STK32B: variants seen among roughly 807,000 people sequenced by gnomAD.
STK32B encodes the protein serine/threonine kinase 32B, also known as serine/threonine-protein kinase 32B.
Under a neutral mutation model 52.6 loss-of-function variants are expected in STK32B, and 43 were observed. The ratio of observed to expected loss-of-function variants is 0.82; its 90% CI spans 0.64 to 1.05. STK32B has a LOEUF of 1.05. Ranked by LOEUF, STK32B falls within the 50% of genes least tolerant of loss-of-function variation. The probability of loss-of-function intolerance (pLI) is 0.00; values close to 1 mark genes in which losing one functional copy is unlikely to be tolerated. For missense variants in STK32B, 621 were observed against 534.6 expected, an observed-to-expected ratio of 1.16 and a Z score of -1.59; for synonymous variants, 238 against 204.3, an observed-to-expected ratio of 1.17 and a Z score of -1.41.
At chr4:5,402,301 G>A (rs567131260) in intron 5 of STK32B, among the ~76,000 whole-genome samples, 1 of 152,334 alleles carries the variant, frequency 6.6e-6, no homozygotes, top group South Asian at 2.1e-4. Flanking sequence ...AGTGGAAATG[G>A]AATGGATGGA....
intron 4 of STK32B, among the ~76,000 whole-genome samples, chr4:5,381,606 T>A (rs1340725873): frequency 6.6e-6 from 1 of 152,244 alleles, no homozygotes; most frequent in Non-Finnish European, 1.5e-5. Context: ...TATATGGGAC[T>A]CTGTTTACTT....
At chr4:5,457,938 GGGAAGGAAGGAA>G (rs3078908) in intron 8 of STK32B, among the ~76,000 whole-genome samples, 1 of 138,054 alleles carries the variant, frequency 7.2e-6, no homozygotes, top group African/African-American at 2.5e-5. Context: ...GAGGGAGGGA[GGGAAGGAAGGAA>G]GGAAGGAAGG....
At chr4:5,379,605 G>T (rs1231498663) in intron 4 of STK32B, among the ~76,000 whole-genome samples, 2 of 152,266 alleles carry the variant, frequency 1.3e-5, no homozygotes, top group South Asian at 2.1e-4. Flanking sequence ...AGGTTATTAA[G>T]TTAAAGTGAG....
the STK32B span, among the ~76,000 whole-genome samples, chr4:5,034,224 C>T: frequency 1.1e-4 from 17 of 152,190 alleles, no homozygotes; most frequent in East Asian, 1.2e-3. Flanking sequence ...GCAGCCACTG[C>T]GTCTCTTGCA....
At chr4:5,427,587 T>A (rs1713209801) in intron 6 of STK32B, among the ~76,000 whole-genome samples, 1 of 151,840 alleles carries the variant, frequency 6.6e-6, no homozygotes, top group South Asian at 2.1e-4. Context: ...ATTCTGTTTA[T>A]CTATTTCTTC....
intron 3 of STK32B, among the ~76,000 whole-genome samples, chr4:5,308,849 G>A (rs1730100836): frequency 6.6e-6 from 1 of 152,076 alleles, no homozygotes; most frequent in East Asian, 1.9e-4. Context: ...AGACAAGGAT[G>A]CCCACTTTCA....
rs116765911 is a variant in STK32B, at chr4:5,121,119, C to G, written c.53-18786C>G. On this transcript the variant is annotated intron_variant, in intron 1 of 11. Coordinates refer to ENST00000282908, the MANE Select transcript of STK32B (RefSeq NM_018401.3). ...AACCTCCTCAAAGTCCATTATATCACTCTTAGGACTTTGCATCCTCAGAGC... is the reference window on the plus strand; with the variant it reads ...AACCTCCTCAAAGTCCATTATATCAGTCTTAGGACTTTGCATCCTCAGAGC... 6.6e-3 allele frequency among the ~76,000 whole-genome samples: 1,008 copies of G among 152,250 alleles called. 12 individuals are homozygous for G. The highest frequency in any genetic ancestry group is 0.023 in the African/African-American group (943 of 41,528).
chr4:5,231,713 A>G (rs1049397826), intron 3 of STK32B, among the ~76,000 whole-genome samples: 61 of 152,162 alleles, frequency 4.0e-4, no homozygotes, highest in African/African-American at 1.4e-3. Context: ...GGAAAAGAAA[A>G]AAACTGATGA....
At chr4:5,220,325 A>G (rs1231657267) in intron 3 of STK32B, among the ~76,000 whole-genome samples, 1 of 152,246 alleles carries the variant, frequency 6.6e-6, no homozygotes, top group South Asian at 2.1e-4. Context: ...CCCAGCTCTC[A>G]ATGAGATCAC....
At chr4:5,494,072 A>G (rs1719983695) in intron 11 of STK32B, among the ~76,000 whole-genome samples, 1 of 152,050 alleles carries the variant, frequency 6.6e-6, no homozygotes, top group African/African-American at 2.4e-5. Context: ...TGGGGTGGAG[A>G]GTTCTGTAGA....
chr4:5,146,685 A>G (rs374673677), intron 2 of STK32B, among the ~76,000 whole-genome samples: 8 of 152,336 alleles, frequency 5.3e-5, no homozygotes, highest in African/African-American at 1.9e-4. Context: ...CTGACATTTA[A>G]TATTAACCAT....
chr4:5,284,276 AAAG>A (rs765996748), intron 3 of STK32B, among the ~76,000 whole-genome samples: 2 of 152,192 alleles, frequency 1.3e-5, no homozygotes, highest in South Asian at 2.1e-4. Context: ...GAAGACAGCA[AAAG>A]AAGAAGGAAA....
At chr4:5,049,475 T>C (rs1298060175), upstream of STK32B, among the ~76,000 whole-genome samples, 2 of 151,844 alleles carry the variant, frequency 1.3e-5, no homozygotes. Flanking sequence ...GAGATATGGG[T>C]GGGGCAGTTT....
intron 3 of STK32B, among the ~76,000 whole-genome samples, chr4:5,313,098 G>T (rs1464537635): frequency 7.0e-6 from 1 of 142,484 alleles, no homozygotes; most frequent in Non-Finnish European, 1.5e-5. Flanking sequence ...TGGAGCAAAA[G>T]TAATTGTGGT....
intron 7 of STK32B, among the ~76,000 whole-genome samples, chr4:5,455,949 T>C (rs1184675423): frequency 6.6e-6 from 1 of 152,326 alleles, no homozygotes; most frequent in South Asian, 2.1e-4. Context: ...GGGAAACTGT[T>C]GTTTTTGTCA....
intron 3 of STK32B, among the ~76,000 whole-genome samples, chr4:5,224,512 C>T (rs1252745806): frequency 6.6e-6 from 1 of 152,224 alleles, no homozygotes; most frequent in Non-Finnish European, 1.5e-5. Context: ...TGTCCCCAAG[C>T]TCCCCCTTGG....
At chr4:5,113,225 C>T (rs964649674) in intron 1 of STK32B, among the ~76,000 whole-genome samples, 3 of 152,154 alleles carry the variant, frequency 2.0e-5, no homozygotes, top group Non-Finnish European at 4.4e-5. Context: ...ACAGACCCCT[C>T]GTCTCTTTCA....
At chr4:5,366,479 T>C (rs1218488559) in intron 4 of STK32B, among the ~76,000 whole-genome samples, 2 of 152,232 alleles carry the variant, frequency 1.3e-5, no homozygotes, top group Non-Finnish European at 2.9e-5. Context: ...CTCATTTTTT[T>C]CCGTTGCTGA....
At chr4:5,120,061 T>C (rs75629338) in intron 1 of STK32B, among the ~76,000 whole-genome samples, 2,703 of 152,292 alleles carry the variant, frequency 0.018, 80 homozygotes, top group African/African-American at 0.061. Flanking sequence ...TGCATGCCCT[T>C]CTTCTAAGTA....
Sources: allele counts gnomAD v4.1 joint callset (sites outside exome capture counted in the v4.1 genomes callset), GRCh38; gene constraint gnomAD v4.1.1; transcripts MANE v1.5; gene names NCBI Gene and HGNC (gene_info 2026-07-23, HGNC 2026-07-21).